The following PROS1 variants were observed in gnomAD, a reference collection of about 807,000 sequenced individuals.
PROS1 encodes vitamin K-dependent protein S.
A neutral mutation model predicts 75.9 loss-of-function variants in PROS1; 29 were observed. That is an observed-to-expected ratio of 0.38 (90% CI 0.28 to 0.52). PROS1 has a LOEUF of 0.52. Among genes scored for constraint, PROS1 ranks in the 20% least tolerant of loss-of-function variants. The probability of loss-of-function intolerance (pLI) is 0.83; values close to 1 mark genes in which losing one functional copy is unlikely to be tolerated. For synonymous variants in PROS1, 245 were observed against 280.6 expected (o/e 0.87, Z 1.27); for missense variants, 680 against 810.3 (o/e 0.84, Z 1.95).
intron 1 of PROS1, among the ~76,000 whole-genome samples, chr3:93,964,335 C>A (rs1236799478): frequency 1.3e-5 from 2 of 152,152 alleles, no homozygotes; most frequent in Non-Finnish European, 2.9e-5. Context: ...TTGCTAAATT[C>A]TTTTCCTAGC....
chr3:93,933,324 C>T (rs1264567857), intron 1 of PROS1, among the ~76,000 whole-genome samples: 1 of 152,078 alleles, frequency 6.6e-6, no homozygotes, highest in African/African-American at 2.4e-5. Context: ...CATGTAATCC[C>T]AACACATTGG....
At position 93,900,899 on chromosome 3, in the gene PROS1, A is replaced by G. The variant is rs557512030; in HGVS notation, c.632T>C (p.Ile211Thr). The G allele has an allele frequency of 6.2e-7, 1 of 1,614,012 alleles. No individual in the cohort carries two copies. Among genetic ancestry groups the G allele is most frequent in the South Asian group, 1.1e-5 (1 of 91,082 alleles). ...DVDECSLKPS[I>T]CGTAVCKNIP... ...GTTCTTGCACACAGCTGTGCCACAA[A>G]TGCTTGGCTTCAAAGAGCATTCATC... is the stretch of plus-strand genomic sequence containing the variant. The change falls in exon 7 of 15, where the codon ATT becomes ACT. Residue 211 changes from isoleucine (I) to threonine (T), a missense_variant. Physicochemically the swap from Ile to Thr is moderately conservative, Grantham distance 89 (BLOSUM62 -1). Transcript: ENST00000394236.
At chr3:93,926,363 G>A (rs1709016751) in intron 2 of PROS1, among the ~76,000 whole-genome samples, 1 of 152,198 alleles carries the variant, frequency 6.6e-6, no homozygotes, top group Admixed American at 6.5e-5. Context: ...CGGGCGCAGT[G>A]GCTCATGCCT....
intron 1 of PROS1, among the ~76,000 whole-genome samples, chr3:93,960,987 G>GA (rs576044037): frequency 0.029 from 4,158 of 143,132 alleles, 65 homozygotes; most frequent in African/African-American, 0.044. Flanking sequence ...TAGCTATTGA[G>GA]AAAAAAAAAA....
At chr3:93,937,036 A>G (rs1709194275) in intron 1 of PROS1, among the ~76,000 whole-genome samples, 1 of 152,186 alleles carries the variant, frequency 6.6e-6, no homozygotes, top group Admixed American at 6.5e-5. Context: ...AAGGGACAGG[A>G]AGAGTTGATC....
chr3:93,946,670 G>A (rs1709405604), intron 1 of PROS1, among the ~76,000 whole-genome samples: 2 of 151,976 alleles, frequency 1.3e-5, no homozygotes, highest in Admixed American at 1.3e-4. Flanking sequence ...ATGGATTAAA[G>A]ACTTAAATGT....
chr3:93,945,097 C>A (rs953943915), intron 1 of PROS1, among the ~76,000 whole-genome samples: 9 of 152,020 alleles, frequency 5.9e-5, no homozygotes, highest in African/African-American at 2.2e-4. Context: ...GACACATGCA[C>A]CCTCCCAAGA....
chr3:93,914,694 TG>T (rs1403279747), intron 3 of PROS1, among the ~76,000 whole-genome samples: 2 of 152,150 alleles, frequency 1.3e-5, no homozygotes, highest in Non-Finnish European at 2.9e-5. Context: ...CAACAGGTTT[TG>T]GGGGGAATAG....
intron 9 of PROS1, among the ~76,000 whole-genome samples, chr3:93,894,277 T>C (rs1384802378): frequency 6.6e-6 from 1 of 152,162 alleles, no homozygotes; most frequent in Non-Finnish European, 1.5e-5. Context: ...TTTTCATCTT[T>C]AGAATTCCAA....
At chr3:93,931,577 C>A (rs139276076) in intron 1 of PROS1, among the ~76,000 whole-genome samples, 1 of 152,168 alleles carries the variant, frequency 6.6e-6, no homozygotes, top group Non-Finnish European at 1.5e-5. Flanking sequence ...TCTAGAATTA[C>A]TTTGGTGCCT....
rs150006415 is a variant in PROS1, at chr3:93,965,429, C to T, written c.76+8245G>A. ...CATTGTTCCTGCATGGCTAAGTGCC[C>T]GGGTTTGTCCTAATCGAGCTGAACA... On this transcript the variant is annotated intron_variant, in intron 1 of 14. Transcript: ENST00000394236. Among the ~76,000 whole-genome samples, 29 of 152,274 alleles carry T rather than the reference C, an allele frequency of 1.9e-4. No homozygotes were observed. In the East Asian group the frequency reaches 4.8e-3, roughly 25 times the overall value.
intron 3 of PROS1, among the ~76,000 whole-genome samples, chr3:93,921,546 G>T (rs1239177359): frequency 6.6e-6 from 1 of 152,080 alleles, no homozygotes. Flanking sequence ...TTTGGCTGCG[G>T]TTTTAACTTG....
chr3:93,940,059 C>T (rs901401079), intron 1 of PROS1, among the ~76,000 whole-genome samples: 2 of 152,278 alleles, frequency 1.3e-5, no homozygotes, highest in African/African-American at 4.8e-5. Context: ...AGGACCTCCT[C>T]CCCCAGGATC....
intron 1 of PROS1, among the ~76,000 whole-genome samples, chr3:93,964,198 A>T (rs1709750738): frequency 6.6e-6 from 1 of 152,158 alleles, no homozygotes; most frequent in African/African-American, 2.4e-5. Context: ...AAAAGAACAG[A>T]ATAACAGTGA....
At chr3:93,964,645 T>C (rs146674551) in intron 1 of PROS1, among the ~76,000 whole-genome samples, 3 of 152,310 alleles carry the variant, frequency 2.0e-5, no homozygotes, top group East Asian at 3.9e-4. Flanking sequence ...CCCTTTGCCT[T>C]GTGATCTTTG....
rs1424713335 is a variant in PROS1 at position 93,873,507 on chromosome 3, A to T, written c.*738T>A. ...CTGAATTCTGTCTTTTGTAATGTAG[A>T]CCTTGTGTGACCCACACAGCAAAAT... On this transcript the variant is annotated 3_prime_UTR_variant, in exon 15 of 15. Transcript: ENST00000394236. The T allele has an allele frequency of 6.6e-6, 1 of 152,144 alleles. No homozygotes were observed. The highest frequency in any genetic ancestry group is 1.5e-5 in the Non-Finnish European group (1 of 68,002). The allele number at this position is 152,144 out of a possible 1,614,324, so 9.4% of individuals were successfully genotyped here.
intron 13 of PROS1, among the ~76,000 whole-genome samples, chr3:93,877,493 C>T (rs1576172323): frequency 6.6e-6 from 1 of 152,256 alleles, no homozygotes; most frequent in Non-Finnish European, 1.5e-5. Flanking sequence ...TTATATCTTT[C>T]TGTTTATGAG....
At chr3:93,938,897 T>C (rs1299393929) in intron 1 of PROS1, among the ~76,000 whole-genome samples, 1 of 152,058 alleles carries the variant, frequency 6.6e-6, no homozygotes, top group Non-Finnish European at 1.5e-5. Context: ...ATGTCAATGG[T>C]GGGAATGCCT....
intron 1 of PROS1, among the ~76,000 whole-genome samples, chr3:93,955,567 G>A (rs999859256): frequency 2.0e-5 from 3 of 151,884 alleles, no homozygotes; most frequent in African/African-American, 4.8e-5. Context: ...AACACAGGAC[G>A]GCCTGTCATG....
Sources: allele counts gnomAD v4.1 joint callset (sites outside exome capture counted in the v4.1 genomes callset), GRCh38; gene constraint gnomAD v4.1.1; transcripts MANE v1.5; gene names NCBI Gene and HGNC (gene_info 2026-07-23, HGNC 2026-07-21).